Variants in INPP4B observed in about 807,000 individuals in gnomAD.
INPP4B encodes the protein inositol polyphosphate-4-phosphatase type II B, also known as inositol polyphosphate 4-phosphatase type II.
In INPP4B, 55 loss-of-function variants were observed where a neutral mutation model predicts 122.5. The ratio of observed to expected loss-of-function variants is 0.45; its 90% CI spans 0.36 to 0.56. The LOEUF is 0.56. Among genes scored for constraint, INPP4B ranks in the 20% least tolerant of loss-of-function variants. INPP4B has a pLI of 0.00. For missense variants in INPP4B, 1,000 were observed against 1,097.7 expected (o/e 0.91, Z 1.26); for synonymous variants, 403 against 388.7 (o/e 1.04, Z -0.43).
At chr4:142,834,524 G>T (rs536111772) in intron 1 of INPP4B, among the ~76,000 whole-genome samples, 1 of 152,138 alleles carries the variant, frequency 6.6e-6, no homozygotes, top group Non-Finnish European at 1.5e-5. Flanking sequence ...AATGGAGCAT[G>T]GGAATAGTAA....
chr4:142,039,180 TCTA>T (rs982128691), intron 25 of INPP4B, among the ~76,000 whole-genome samples: 3 of 152,178 alleles, frequency 2.0e-5, no homozygotes, highest in Non-Finnish European at 4.4e-5. Flanking sequence ...GCATATTTTT[TCTA>T]CTAATAGAAT....
intron 7 of INPP4B, among the ~76,000 whole-genome samples, chr4:142,346,359 G>T (rs190707825): frequency 1.7e-4 from 26 of 151,984 alleles, no homozygotes; most frequent in African/African-American, 6.3e-4. Context: ...ATAGTTTAAG[G>T]AGACTTTGGG....
At chr4:142,081,084 G>A (rs1005550189) in intron 25 of INPP4B, among the ~76,000 whole-genome samples, 6 of 152,094 alleles carry the variant, frequency 3.9e-5, no homozygotes, top group Non-Finnish European at 7.4e-5. Flanking sequence ...GAAACCTCTC[G>A]TTAGTGAGAA....
At chr4:142,170,825 A>C (rs1825268755) in intron 16 of INPP4B, among the ~76,000 whole-genome samples, 1 of 151,714 alleles carries the variant, frequency 6.6e-6, no homozygotes, top group Non-Finnish European at 1.5e-5. Context: ...AGTGACTGTC[A>C]AATAGTATGA....
intron 2 of INPP4B, among the ~76,000 whole-genome samples, chr4:142,676,313 A>C (rs1757765100): frequency 6.6e-6 from 1 of 152,178 alleles, no homozygotes; most frequent in African/African-American, 2.4e-5. Context: ...TTCAAGGAGA[A>C]CTACAAACCA....
At chr4:142,493,054 C>T (rs968138920) in intron 2 of INPP4B, among the ~76,000 whole-genome samples, 7 of 152,224 alleles carry the variant, frequency 4.6e-5, no homozygotes, top group Admixed American at 3.3e-4. Context: ...TGCCAATGTA[C>T]AGCTCAGGGC....
chr4:142,544,955 C>A (rs1442542016), intron 2 of INPP4B, among the ~76,000 whole-genome samples: 1 of 152,086 alleles, frequency 6.6e-6, no homozygotes, highest in Non-Finnish European at 1.5e-5. Context: ...TATATAGACA[C>A]TGAGAAACAA....
chr4:142,543,748 AT>A (rs1450566528), intron 2 of INPP4B, among the ~76,000 whole-genome samples: 2 of 152,198 alleles, frequency 1.3e-5, no homozygotes, highest in African/African-American at 4.8e-5. Context: ...TCAACAGAAT[AT>A]ATATTGTATA....
At chr4:142,838,441 G>A (rs1170295185) in intron 1 of INPP4B, among the ~76,000 whole-genome samples, 3 of 151,754 alleles carry the variant, frequency 2.0e-5, no homozygotes, top group African/African-American at 7.3e-5. Flanking sequence ...TAATCTGAGT[G>A]TATACTCTTC....
intron 7 of INPP4B, among the ~76,000 whole-genome samples, chr4:142,349,511 T>A (rs1158693): frequency 0.32 from 48,390 of 151,846 alleles, 8,764 homozygotes; most frequent in South Asian, 0.45. Context: ...ATGATTTAGA[T>A]GTAAGTAGAA....
intron 12 of INPP4B, among the ~76,000 whole-genome samples, chr4:142,214,971 T>C (rs1846480667): frequency 1.3e-5 from 2 of 152,242 alleles, no homozygotes; most frequent in Admixed American, 6.5e-5. Context: ...ATGTTAGAGG[T>C]GTAGCAACCA....
At chr4:142,127,081 T>A (rs1259700477) in intron 18 of INPP4B, among the ~76,000 whole-genome samples, 2 of 152,276 alleles carry the variant, frequency 1.3e-5, no homozygotes, top group East Asian at 3.9e-4. Context: ...GTGCAGTAGG[T>A]GGCGCTGCTT....
intron 2 of INPP4B, chr4:142,518,773 G>A (rs1009346972): frequency 2.0e-5 from 3 of 152,196 alleles, no homozygotes; most frequent in African/African-American, 7.2e-5. Context: ...GAGAAACTGA[G>A]AGCCAGCGTC....
chr4:142,806,062 G>A (rs1222668265), intron 1 of INPP4B, among the ~76,000 whole-genome samples: 2 of 151,706 alleles, frequency 1.3e-5, no homozygotes, highest in African/African-American at 2.4e-5. Context: ...GGCGGATCAC[G>A]AGGTCAGGAG....
At chr4:142,666,262 T>A (rs1362815938) in intron 2 of INPP4B, among the ~76,000 whole-genome samples, 2 of 152,170 alleles carry the variant, frequency 1.3e-5, no homozygotes, top group Non-Finnish European at 2.9e-5. Flanking sequence ...AGAAACAGTT[T>A]ATTTTTGCAA....
intron 1 of INPP4B, among the ~76,000 whole-genome samples, chr4:142,837,849 T>C (rs545952423): frequency 1.4e-4 from 21 of 151,798 alleles, no homozygotes; most frequent in Admixed American, 4.6e-4. Context: ...ATGAGAAAAA[T>C]AGACAAGGAA....
At position 142,496,233 on chromosome 4, in the gene INPP4B, A is replaced by G. The variant is rs138949133; in HGVS notation, c.-190-33507T>C. 1.7e-3 allele frequency among the ~76,000 whole-genome samples: 254 copies of G among 151,892 alleles called. 1 individual carries two copies. The highest frequency in any genetic ancestry group is 5.9e-3 in the African/African-American group (244 of 41,424). The stretch of plus-strand genomic sequence containing the variant: ...AATTTTGCTCAATATTGTTCTTTTT[A>G]TATATTCATCTATCTTTTGCATGTT... On this transcript the variant is annotated intron_variant, in intron 2 of 25. Transcript: ENST00000262992.
At chr4:142,209,148 A>T in intron 12 of INPP4B, 122 bp from the exon 13 acceptor site, 1 of 585,552 alleles carries the variant, frequency 1.7e-6, no homozygotes, top group East Asian at 3.1e-5. Context: ...GGAAAGTTCT[A>T]TGAGCTTATT....
At chr4:142,095,155 T>A (rs1039770860) in intron 23 of INPP4B, among the ~76,000 whole-genome samples, 22 of 152,170 alleles carry the variant, frequency 1.4e-4, no homozygotes, top group African/African-American at 4.6e-4. Flanking sequence ...TCACCCTTAC[T>A]TAGCCTCTAA....
Sources: gnomAD v4.1 joint callset for allele counts (sites outside exome capture counted in the v4.1 genomes callset) on GRCh38, gnomAD v4.1.1 for gene constraint, MANE v1.5 for transcripts, NCBI Gene and HGNC (gene_info 2026-07-23, HGNC 2026-07-21) for gene names.